Variants in NKAIN3 observed in about 807,000 individuals in gnomAD.
NKAIN3 encodes the protein sodium/potassium transporting ATPase interacting 3.
In NKAIN3, 25 loss-of-function variants were observed where a neutral mutation model predicts 30.2. That is an observed-to-expected ratio of 0.83 (90% confidence interval 0.60 to 1.16). The LOEUF (loss-of-function observed/expected upper bound fraction) is 1.16. NKAIN3 is among the 50% of genes most tolerant of loss of function. NKAIN3 has a pLI of 0.00. For synonymous variants in NKAIN3, 91 were observed against 89.6 expected, an observed-to-expected ratio of 1.02 and a Z score of -0.09; for missense variants, 225 against 254.1, an observed-to-expected ratio of 0.89 and a Z score of 0.78.
intron 1 of NKAIN3, among the ~76,000 whole-genome samples, chr8:62,420,410 A>T (rs1242134768): frequency 6.6e-6 from 1 of 152,190 alleles, no homozygotes; most frequent in African/African-American, 2.4e-5. Context: ...TTCATTTTTT[A>T]AAATGTAATT....
At chr8:62,741,687 A>G (rs1045578415) in intron 3 of NKAIN3, among the ~76,000 whole-genome samples, 1 of 152,224 alleles carries the variant, frequency 6.6e-6, no homozygotes, top group African/African-American at 2.4e-5. Flanking sequence ...CCAAATAAGT[A>G]TATAAGTTGT....
At chr8:62,806,844 A>G (rs929083855) in intron 4 of NKAIN3, among the ~76,000 whole-genome samples, 1 of 151,764 alleles carries the variant, frequency 6.6e-6, no homozygotes, top group Non-Finnish European at 1.5e-5. Flanking sequence ...ATAAAATAAA[A>G]TAAAAACAAT....
At chr8:62,703,378 T>C (rs1814405866) in intron 3 of NKAIN3, among the ~76,000 whole-genome samples, 1 of 152,232 alleles carries the variant, frequency 6.6e-6, no homozygotes, top group Admixed American at 6.5e-5. Context: ...AAGATAATTA[T>C]TAAAGCTAGG....
intron 1 of NKAIN3, among the ~76,000 whole-genome samples, chr8:62,329,877 A>G (rs1218573126): frequency 6.6e-6 from 1 of 152,044 alleles, no homozygotes; most frequent in African/African-American, 2.4e-5. Context: ...TGCTGGGTCA[A>G]ATAGTAGTAC....
intron 1 of NKAIN3, among the ~76,000 whole-genome samples, chr8:62,288,212 G>A (rs147200608): frequency 1.4e-4 from 21 of 151,974 alleles, no homozygotes; most frequent in African/African-American, 4.8e-4. Flanking sequence ...TTTCATCAGC[G>A]TTTACCTTAC....
At chr8:62,350,398 A>G (rs1038264896) in intron 1 of NKAIN3, among the ~76,000 whole-genome samples, 8 of 152,176 alleles carry the variant, frequency 5.3e-5, no homozygotes, top group African/African-American at 1.4e-4. Context: ...TTCGAGTTAT[A>G]TGAGGTACCT....
chr8:62,324,674 A>ATTTC (rs1815055484), intron 1 of NKAIN3, among the ~76,000 whole-genome samples: 1 of 152,156 alleles, frequency 6.6e-6, no homozygotes, highest in African/African-American at 2.4e-5. Flanking sequence ...AAAAGCAGAA[A>ATTTC]GAACTATATT....
At chr8:62,394,906 C>T (rs573073740) in intron 1 of NKAIN3, among the ~76,000 whole-genome samples, 5 of 144,078 alleles carry the variant, frequency 3.5e-5, no homozygotes, top group South Asian at 2.3e-4. Flanking sequence ...GACGGGGCGG[C>T]GGCTGGACAG....
In NKAIN3 at chr8:62,980,102, C is replaced by A. The variant is rs1585641515; in HGVS notation, c.*14695C>A. ...CTCAGTCCTGGCTGCCACCTTCTTT[C>A]TTTACTCTTGGTTTAAATGTAATCC... On this transcript the variant is annotated 3_prime_UTR_variant, in exon 7 of 7. Coordinates refer to ENST00000623646, the MANE Select transcript of NKAIN3 (RefSeq NM_001304533.3). 2.6e-5 allele frequency: 4 copies of A among 152,208 alleles called. No individual in the cohort carries two copies. Among genetic ancestry groups the A allele is most frequent in the African/African-American group, 9.6e-5 (4 of 41,454 alleles). The allele number at this position is 152,208 out of a possible 1,614,324, so 9.4% of individuals were successfully genotyped here.
rs145594776 is a variant in NKAIN3 at position 62,872,665 on chromosome 8, G to T, written c.472-45788G>T. On this transcript the variant is annotated intron_variant, in intron 4 of 6. Coordinates refer to ENST00000623646, the MANE Select transcript of NKAIN3 (RefSeq NM_001304533.3). Reference sequence around the variant, plus strand: ...GCCAAATGGCATTGTGAACAGAAGGGTTATTTCTCAGAGGGTAAGGAGTGA... The same window carrying T: ...GCCAAATGGCATTGTGAACAGAAGGTTTATTTCTCAGAGGGTAAGGAGTGA... 9.8e-5 allele frequency among the ~76,000 whole-genome samples: 15 copies of T among 152,294 alleles called. No homozygotes were observed. In the East Asian group the frequency reaches 2.9e-3, roughly 29 times the overall value.
chr8:62,594,634 C>T (rs1585988680), intron 3 of NKAIN3, among the ~76,000 whole-genome samples: 1 of 152,106 alleles, frequency 6.6e-6, no homozygotes, highest in East Asian at 1.9e-4. Flanking sequence ...ATGGCAGAAG[C>T]ATCTATAGTC....
intron 5 of NKAIN3, among the ~76,000 whole-genome samples, chr8:62,993,923 T>C (rs1305279521): frequency 6.6e-6 from 1 of 152,202 alleles, no homozygotes; most frequent in Non-Finnish European, 1.5e-5. Flanking sequence ...GCATGCCCCA[T>C]AACTTATAAA....
chr8:62,783,109 T>A (rs1817405088), intron 4 of NKAIN3, among the ~76,000 whole-genome samples: 1 of 152,096 alleles, frequency 6.6e-6, no homozygotes, highest in African/African-American at 2.4e-5. Context: ...TTTTTAAGTT[T>A]ACAGACATGC....
intron 3 of NKAIN3, among the ~76,000 whole-genome samples, chr8:62,693,687 A>AT (rs1365503977): frequency 1.3e-5 from 2 of 152,184 alleles, no homozygotes; most frequent in East Asian, 3.9e-4. Context: ...TAAAGTATGG[A>AT]TAAAAGTACC....
intron 1 of NKAIN3, among the ~76,000 whole-genome samples, chr8:62,351,443 G>T (rs1460872774): frequency 6.7e-6 from 1 of 149,560 alleles, no homozygotes; most frequent in African/African-American, 2.4e-5. Context: ...TCATTTGGTT[G>T]AATTCACAGA....
chr8:62,390,383 T>G (rs1022974180), intron 1 of NKAIN3, among the ~76,000 whole-genome samples: 1 of 152,224 alleles, frequency 6.6e-6, no homozygotes, highest in African/African-American at 2.4e-5. Flanking sequence ...AGCTTGTTCT[T>G]TTTTTGGGCT....
At chr8:62,773,676 T>G (rs1454383901) in intron 4 of NKAIN3, among the ~76,000 whole-genome samples, 2 of 152,100 alleles carry the variant, frequency 1.3e-5, no homozygotes, top group Non-Finnish European at 2.9e-5. Context: ...CTAGTAGTTT[T>G]ATAAAGGGGA....
In NKAIN3 at chr8:62,965,487, T is replaced by G; in HGVS notation, c.*80T>G. The G allele has an allele frequency of 1.0e-6, 1 of 985,784 alleles. No individual in the cohort carries two copies. Among genetic ancestry groups the G allele is most frequent in the Non-Finnish European group, 1.2e-6 (1 of 829,928 alleles). The allele number at this position is 985,784 out of a possible 1,614,324, so 61.1% of individuals were successfully genotyped here. A position where few individuals can be genotyped will look rare whatever the true frequency, so the allele number is the denominator to read the frequency against. On this transcript the variant is annotated 3_prime_UTR_variant, in exon 7 of 7. Coordinates refer to ENST00000623646, the MANE Select transcript of NKAIN3 (RefSeq NM_001304533.3). ...CTTCCAGAGGCTAGACTGTGCTTCC[T>G]GGCTTTCCCACGAATCATGGAGCAT...
At chr8:62,770,763 A>G (rs1211184582) in intron 4 of NKAIN3, among the ~76,000 whole-genome samples, 3 of 152,026 alleles carry the variant, frequency 2.0e-5, no homozygotes, top group Non-Finnish European at 4.4e-5. Flanking sequence ...GATAAAAAAT[A>G]AAATAAAAAT....
Sources: allele counts gnomAD v4.1 joint callset (sites outside exome capture counted in the v4.1 genomes callset), GRCh38; gene constraint gnomAD v4.1.1; transcripts MANE v1.5; gene names NCBI Gene and HGNC (gene_info 2026-07-23, HGNC 2026-07-21).